Variants in RAET1E observed in about 807,000 individuals in gnomAD.
RAET1E encodes NKG2D ligand 4.
RAET1E carries 27 observed loss-of-function variants against 21.1 expected under a neutral mutation model. The ratio of observed to expected loss-of-function variants is 1.28; its 90% CI spans 0.94 to 1.76. RAET1E has a LOEUF of 1.76. Among genes scored for constraint, RAET1E ranks in the 40% most tolerant of loss-of-function variants. RAET1E has a pLI of 0.00. For missense variants in RAET1E, 310 were observed against 311.3 expected (o/e 1.00, Z 0.03); for synonymous variants, 113 against 115.0 (o/e 0.98, Z 0.11).
intron 4 of RAET1E, 66 bp downstream of exon 4, chr6:149,889,819 C>T (rs1050657833): frequency 8.3e-6 from 13 of 1,560,620 alleles, no homozygotes; most frequent in Middle Eastern, 4.2e-4. Flanking sequence ...AGCCCCTCCC[C>T]ATCTGTGTTC....
chr6:149,889,951 G>A lies in RAET1E; in HGVS notation c.280C>T (p.Leu94=). 6.2e-7 allele frequency: 1 copy of A among 1,614,048 alleles called. No individual in the cohort carries two copies. Among genetic ancestry groups the A allele is most frequent in the Non-Finnish European group, 8.5e-7 (1 of 1,180,026 alleles). Residue 94 remains leucine, a synonymous_variant, in exon 4 of 6, where the codon CTG becomes TTG. Transcript: ENST00000357183. The part of the protein sequence containing the change: ...TSTWGELTQT[L]GEVGRDLRML... The stretch of plus-strand genomic sequence containing the variant: ...CTGAGGTCTCGCCCCACTTCTCCCA[G>A]CGTTTGGGTCAATTCTCCCCAAGTG...
rs1777551827 is a variant in RAET1E at position 149,885,124 on chromosome 6, T to C, written c.*3374A>G. ...TGTGATATACTTTCCCATGGTCAGA[T>C]GGTCAGATCATCAAGCTGCTGCCCC... On this transcript the variant is annotated 3_prime_UTR_variant, in exon 6 of 6. Coordinates refer to ENST00000357183, the MANE Select transcript of RAET1E (RefSeq NM_001394057.1). Among the ~76,000 whole-genome samples the C allele has an allele frequency of 6.6e-6, 1 of 152,204 alleles. No individual in the cohort carries two copies. The highest frequency in any genetic ancestry group is 1.5e-5 in the Non-Finnish European group (1 of 68,040).
rs1777614027 is a variant in RAET1E at position 149,886,482 on chromosome 6, C to T, written c.*2016G>A. Among the ~76,000 whole-genome samples the T allele has an allele frequency of 6.6e-6, 1 of 152,236 alleles. No individual in the cohort carries two copies. The highest frequency in any genetic ancestry group is 2.4e-5 in the African/African-American group (1 of 41,468). ...CAATATCAGCTCACTGCAAACTCCG[C>T]CTCCTGAGTTCAAGCGATTCTCCTG... is the stretch of plus-strand genomic sequence containing the variant. On this transcript the variant is annotated 3_prime_UTR_variant, in exon 6 of 6. Transcript: ENST00000357183.
intron 2 of RAET1E, among the ~76,000 whole-genome samples, chr6:149,894,209 T>C (rs1484675437): frequency 6.6e-6 from 1 of 152,244 alleles, no homozygotes; most frequent in Non-Finnish European, 1.5e-5. Context: ...CCTCATAAAA[T>C]GAGTTAGGGA....
intron 2 of RAET1E, among the ~76,000 whole-genome samples, chr6:149,891,671 G>A (rs1253335787): frequency 6.6e-6 from 1 of 152,124 alleles, no homozygotes; most frequent in Non-Finnish European, 1.5e-5. Context: ...AGGATCACTT[G>A]AGGCCGGGAG....
Position 149,885,337 on chromosome 6 carries a change from A to G in RAET1E, c.*3161T>C, listed in dbSNP as rs563360776. ...AAAGCAGAGACAGTCCCCGAGACTC[A>G]TTCAGCCTTTGCCTTTCTCCTGTTG... On this transcript the variant is annotated 3_prime_UTR_variant, in exon 6 of 6. Coordinates refer to ENST00000357183, the MANE Select transcript of RAET1E (RefSeq NM_001394057.1). 2.0e-5 allele frequency among the ~76,000 whole-genome samples: 3 copies of G among 152,310 alleles called. No individual in the cohort carries two copies. In the East Asian group the frequency reaches 5.8e-4, roughly 29 times the overall value.
rs1276597871 is a variant in RAET1E at position 149,884,926 on chromosome 6, C to T, written c.*3572G>A. Among the ~76,000 whole-genome samples, 1 of 152,148 alleles carries T rather than the reference C, an allele frequency of 6.6e-6. No individual in the cohort carries two copies. Among genetic ancestry groups the T allele is most frequent in the Non-Finnish European group, 1.5e-5 (1 of 68,012 alleles). ...GTCAAAGGAATCCCACCTTCTAGTC[C>T]TTGCTGTCCTCACAGAGTGTCTAGG... On this transcript the variant is annotated 3_prime_UTR_variant, in exon 6 of 6. Coordinates refer to ENST00000357183, the MANE Select transcript of RAET1E (RefSeq NM_001394057.1).
chr6:149,885,035 C>T lies in RAET1E; in HGVS notation c.*3463G>A, dbSNP rs969789378. On this transcript the variant is annotated 3_prime_UTR_variant, in exon 6 of 6. Coordinates refer to ENST00000357183, the MANE Select transcript of RAET1E (RefSeq NM_001394057.1). ...TGCCTCCAGCCTGCTTTGTTGGAGC[C>T]CAGGCAGCCTTCTTCATTATGTCCT... is the stretch of plus-strand genomic sequence containing the variant. 2.6e-5 allele frequency among the ~76,000 whole-genome samples: 4 copies of T among 152,132 alleles called. No homozygotes were observed. Among genetic ancestry groups the T allele is most frequent in the African/African-American group, 7.2e-5 (3 of 41,438 alleles).
Position 149,887,181 on chromosome 6 carries a change from T to A in RAET1E, c.*1317A>T, listed in dbSNP as rs1467121260. On this transcript the variant is annotated 3_prime_UTR_variant, in exon 6 of 6. Coordinates refer to ENST00000357183, the MANE Select transcript of RAET1E (RefSeq NM_001394057.1). ...CCCAGGTGTCTATGGAGGTCCCACC[T>A]CCTTTAAATCCCTACTGTTCAGACC... Among the ~76,000 whole-genome samples, 1 of 152,180 alleles carries A rather than the reference T, an allele frequency of 6.6e-6. No homozygotes were observed. Among genetic ancestry groups the A allele is most frequent in the Non-Finnish European group, 1.5e-5 (1 of 68,024 alleles).
intron 2 of RAET1E, among the ~76,000 whole-genome samples, chr6:149,892,363 A>G (rs7742692): frequency 0.45 from 67,699 of 151,798 alleles, 15,760 homozygotes; most frequent in East Asian, 0.88. Flanking sequence ...AACCTCTCCA[A>G]CATCTGTTAT....
chr6:149,890,819 A>T lies in RAET1E; in HGVS notation c.83T>A (p.Val28Asp). The T allele has an allele frequency of 6.2e-7, 1 of 1,610,598 alleles. No homozygotes were observed. The highest frequency in any genetic ancestry group is 8.5e-7 in the Non-Finnish European group (1 of 1,177,014). The change falls in exon 3 of 6, where the codon GTT (valine) becomes GAT (aspartate). Residue 28 changes from valine (V) to aspartate (D), a missense_variant and splice_region_variant. Val to Asp is a radical substitution (Grantham distance 152). Coordinates refer to ENST00000357183, the MANE Select transcript of RAET1E (RefSeq NM_001394057.1). ...LLLLIALEIM[V>D]GGHSLCFNFT... ...GTTCTTGTGCTCAGGACACTCACCA[A>T]CCATGATCTCCAAGGCTATTAGTAG...
intron 3 of RAET1E, 29 bp downstream of exon 3, chr6:149,890,788 C>T: frequency 1.3e-6 from 2 of 1,523,848 alleles, no homozygotes; most frequent in Non-Finnish European, 1.8e-6. Context: ...TCCTTGTCCT[C>T]AGCCAGTTCT....
chr6:149,894,212 G>A (rs190305332), intron 2 of RAET1E, among the ~76,000 whole-genome samples: 197 of 152,332 alleles, frequency 1.3e-3, no homozygotes, highest in African/African-American at 4.5e-3. Flanking sequence ...CATAAAATGA[G>A]TTAGGGAGGA....
Position 149,890,216 on chromosome 6 carries a change from C to T in RAET1E, c.86-71G>A, listed in dbSNP as rs889925410. 15 of 1,556,470 alleles carry T rather than the reference C, an allele frequency of 9.6e-6. No individual in the cohort carries two copies. The African/African-American group carries it at 2.0e-4, about 21-fold the overall frequency. ...CCATTAGAACCTGCGCTTCTGTGAC[C>T]CAAGACTCCCTGGACTGGGCCAGGC... On this transcript the variant is annotated intron_variant, in intron 3 of 5. Transcript: ENST00000357183.
chr6:149,884,421 TG>T lies in RAET1E; in HGVS notation c.*4076del. The T allele has an allele frequency of 6.9e-7, 1 of 1,457,398 alleles. No homozygotes were observed. Among genetic ancestry groups the T allele is most frequent in the Non-Finnish European group, 9.3e-7 (1 of 1,075,772 alleles). The allele number at this position is 1,457,398 out of a possible 1,614,324, so 90.3% of individuals were successfully genotyped here. ...ACTTGACTCAGGGAACACACAGCAG[TG>T]GGAGCCAAGGCTGTCAGCGATCGAG... On this transcript the variant is annotated 3_prime_UTR_variant, in exon 6 of 6. Coordinates refer to ENST00000357183, the MANE Select transcript of RAET1E (RefSeq NM_001394057.1).
chr6:149,896,683 T>C (rs1429667351), intron 1 of RAET1E, among the ~76,000 whole-genome samples: 1 of 152,106 alleles, frequency 6.6e-6, no homozygotes, highest in Non-Finnish European at 1.5e-5. Flanking sequence ...TGCTTGTGTG[T>C]GTGTGCGTGC....
chr6:149,886,892 T>A lies in RAET1E; in HGVS notation c.*1606A>T, dbSNP rs1777633604. Among the ~76,000 whole-genome samples, 1 of 152,210 alleles carries A rather than the reference T, an allele frequency of 6.6e-6. No individual in the cohort carries two copies. The highest frequency in any genetic ancestry group is 2.4e-5 in the African/African-American group (1 of 41,450). On this transcript the variant is annotated 3_prime_UTR_variant, in exon 6 of 6. Transcript: ENST00000357183. ...AATGTGTCATGGGCACACAAAGCTC[T>A]TTTTCCCTGGGTGCTGCTCTTCCCC...
chr6:149,892,785 C>T (rs1375111182), intron 2 of RAET1E, among the ~76,000 whole-genome samples: 1 of 152,160 alleles, frequency 6.6e-6, no homozygotes, highest in Non-Finnish European at 1.5e-5. Context: ...TTGCCCATGC[C>T]TATATCCCGA....
In RAET1E at chr6:149,887,519, T is replaced by C. The variant is rs558266352; in HGVS notation, c.*979A>G. On this transcript the variant is annotated 3_prime_UTR_variant, in exon 6 of 6. Coordinates refer to ENST00000357183, the MANE Select transcript of RAET1E (RefSeq NM_001394057.1). ...TGTTGTGACACCGATCTTGGCAAAC[T>C]CACTTTTCATGTCAGGGCCCCTGCA... 6.6e-6 allele frequency among the ~76,000 whole-genome samples: 1 copy of C among 152,330 alleles called. No homozygotes were observed. Among genetic ancestry groups the C allele is most frequent in the African/African-American group, 2.4e-5 (1 of 41,582 alleles).
Sources: gnomAD v4.1 joint callset for allele counts (sites outside exome capture counted in the v4.1 genomes callset) on GRCh38, gnomAD v4.1.1 for gene constraint, MANE v1.5 for transcripts, NCBI Gene and HGNC (gene_info 2026-07-23, HGNC 2026-07-21) for gene names.